Variants in AVL9 observed in about 807,000 individuals in gnomAD.
AVL9 encodes the protein late secretory pathway protein AVL9 homolog.
AVL9 carries 49 observed loss-of-function variants against 79.2 expected under a neutral mutation model. The ratio of observed to expected loss-of-function variants is 0.62; its 90% CI spans 0.49 to 0.79. AVL9 has a LOEUF of 0.79. Ranked by LOEUF, AVL9 falls within the 30% of genes least tolerant of loss-of-function variation. The probability of loss-of-function intolerance (pLI) is 0.00; values close to 1 mark genes in which losing one functional copy is unlikely to be tolerated. For missense variants in AVL9, 682 were observed against 776.8 expected (o/e 0.88, Z 1.45); for synonymous variants, 299 against 280.6 (o/e 1.07, Z -0.65).
At chr7:32,576,119 C>A in intron 13 of AVL9, 47 bp downstream of exon 13, 1 of 1,287,650 alleles carries the variant, frequency 7.8e-7, no homozygotes, top group Non-Finnish European at 1.1e-6. Context: ...GGTTGGTTTA[C>A]GAGTGCCCAA....
rs188344032 is a variant in AVL9, at chr7:32,515,067, A to G, written c.93+19265A>G. On this transcript the variant is annotated intron_variant, in intron 1 of 15. Coordinates refer to ENST00000318709, the MANE Select transcript of AVL9 (RefSeq NM_015060.3). ...TATATCTTCCTTTTTCTCCATAGACACAGTAACAATCTGATCTCTCTTTGT... is the reference window on the plus strand; with the variant it reads ...TATATCTTCCTTTTTCTCCATAGACGCAGTAACAATCTGATCTCTCTTTGT... Among the ~76,000 whole-genome samples, 134 of 152,304 alleles carry G rather than the reference A, an allele frequency of 8.8e-4. No homozygotes were observed. In the South Asian group the frequency reaches 9.1e-3, roughly 10 times the overall value.
At chr7:32,517,797 A>T (rs903858452) in intron 1 of AVL9, among the ~76,000 whole-genome samples, 2 of 141,666 alleles carry the variant, frequency 1.4e-5, no homozygotes, top group Non-Finnish European at 1.5e-5. Context: ...AAACAGAATG[A>T]TCTTTGCTTG....
intron 1 of AVL9, among the ~76,000 whole-genome samples, chr7:32,497,557 G>A (rs1439624582): frequency 2.0e-5 from 3 of 151,994 alleles, no homozygotes; most frequent in African/African-American, 4.8e-5. Context: ...TCATTGAGTT[G>A]TGACTCTGAC....
intron 1 of AVL9, among the ~76,000 whole-genome samples, chr7:32,496,932 C>T (rs922010237): frequency 1.3e-5 from 2 of 152,180 alleles, no homozygotes; most frequent in East Asian, 1.9e-4. Flanking sequence ...GAAACACTGT[C>T]TCCACAAAAA....
chr7:32,568,552 T>C (rs1214931488), intron 10 of AVL9, among the ~76,000 whole-genome samples: 2 of 152,232 alleles, frequency 1.3e-5, no homozygotes, highest in African/African-American at 4.8e-5. Context: ...TGCAGGTTCA[T>C]TGTATGGATG....
chr7:32,530,856 T>C (rs7790237), intron 1 of AVL9, among the ~76,000 whole-genome samples: 50,709 of 151,926 alleles, frequency 0.33, 8,708 homozygotes, highest in South Asian at 0.44. Flanking sequence ...CTCAGGAGGC[T>C]GAGCCATGAA....
intron 1 of AVL9, among the ~76,000 whole-genome samples, chr7:32,501,560 A>T (rs1395417971): frequency 1.3e-5 from 2 of 152,164 alleles, no homozygotes; most frequent in African/African-American, 4.8e-5. Flanking sequence ...CTGACTTAGC[A>T]GGGCTGCAGC....
At chr7:32,523,998 G>T (rs1425669400) in intron 1 of AVL9, among the ~76,000 whole-genome samples, 2 of 151,828 alleles carry the variant, frequency 1.3e-5, no homozygotes, top group African/African-American at 4.8e-5. Flanking sequence ...CTCCCAAAGT[G>T]CTGGGATTAC....
chr7:32,553,673 G>A, intron 6 of AVL9, 54 bp from the exon 7 acceptor site: 2 of 1,355,678 alleles, frequency 1.5e-6, no homozygotes, highest in Admixed American at 2.0e-5. Flanking sequence ...TAACCTTTCT[G>A]CAGCAAAAAC....
chr7:32,570,805 G>C (rs1286342265), intron 11 of AVL9, among the ~76,000 whole-genome samples: 1 of 151,052 alleles, frequency 6.6e-6, no homozygotes, highest in African/African-American at 2.4e-5. Context: ...ATTTTTAGTA[G>C]AGATGGGGTT....
intron 1 of AVL9, among the ~76,000 whole-genome samples, chr7:32,541,689 A>G (rs574205335): frequency 5.9e-5 from 9 of 151,442 alleles, no homozygotes; most frequent in Non-Finnish European, 1.2e-4. Context: ...ATGTAACTGG[A>G]GGTTATTTAT....
rs1338805206 is a variant in AVL9 at position 32,500,397 on chromosome 7, T to A, written c.93+4595T>A. Among the ~76,000 whole-genome samples, 3 of 152,174 alleles carry A rather than the reference T, an allele frequency of 2.0e-5. No homozygotes were observed. In the East Asian group the frequency reaches 5.8e-4, roughly 29 times the overall value. ...CTGCACAGATATCTTTTGAGAAGTG[T>A]CTGTTCATATCCTTCGCCCACTTTT... is the stretch of plus-strand genomic sequence containing the variant. On this transcript the variant is annotated intron_variant, in intron 1 of 15. Coordinates refer to ENST00000318709, the MANE Select transcript of AVL9 (RefSeq NM_015060.3).
At chr7:32,562,864 A>C (rs901874516) in intron 10 of AVL9, 8 of 152,330 alleles carry the variant, frequency 5.3e-5, no homozygotes, top group African/African-American at 1.9e-4. Flanking sequence ...TCAGGCTGCC[A>C]TGAGCCATGA....
At chr7:32,544,587 T>C in intron 2 of AVL9, 107 bp from the exon 3 acceptor site, 1 of 725,508 alleles carries the variant, frequency 1.4e-6, no homozygotes, top group Non-Finnish European at 2.3e-6. Flanking sequence ...TTCCTTGTTT[T>C]ATCATCATTT....
At chr7:32,545,705 G>A (rs1364270934) in intron 3 of AVL9, among the ~76,000 whole-genome samples, 1 of 152,078 alleles carries the variant, frequency 6.6e-6, no homozygotes, top group African/African-American at 2.4e-5. Flanking sequence ...TACTATAATA[G>A]CTCTAATTGA....
chr7:32,532,730 T>C (rs1788719947), intron 1 of AVL9: 1 of 152,220 alleles, frequency 6.6e-6, no homozygotes, highest in Middle Eastern at 3.2e-3. Flanking sequence ...AAGATACTTA[T>C]TTCCATTTAA....
At chr7:32,517,128 T>G (rs895489332) in intron 1 of AVL9, among the ~76,000 whole-genome samples, 6 of 152,174 alleles carry the variant, frequency 3.9e-5, no homozygotes, top group Non-Finnish European at 8.8e-5. Flanking sequence ...AGTTCTGAAG[T>G]AAAAGCTATA....
chr7:32,528,536 C>A (rs1788500439), intron 1 of AVL9, among the ~76,000 whole-genome samples: 1 of 152,234 alleles, frequency 6.6e-6, no homozygotes, highest in South Asian at 2.1e-4. Context: ...GGGGTACAGG[C>A]CCTCTTCACC....
chr7:32,503,407 A>ACAC (rs1477431265), intron 1 of AVL9, among the ~76,000 whole-genome samples: 13 of 60,360 alleles, frequency 2.2e-4, no homozygotes, highest in Admixed American at 5.5e-4. Context: ...CACACACACA[A>ACAC]ATTAGCCGGG....
Sources: allele counts gnomAD v4.1 joint callset (sites outside exome capture counted in the v4.1 genomes callset), GRCh38; gene constraint gnomAD v4.1.1; transcripts MANE v1.5; gene names NCBI Gene and HGNC (gene_info 2026-07-23, HGNC 2026-07-21).